The following RBFOX1 variants were observed in gnomAD, a reference collection of about 807,000 sequenced individuals.
RBFOX1 encodes the protein RNA binding protein fox-1 homolog 1.
Under a neutral mutation model 57.7 loss-of-function variants are expected in RBFOX1, and 8 were observed. The observed-to-expected ratio is 0.14, with a 90% CI of 0.08 to 0.25. The LOEUF (loss-of-function observed/expected upper bound fraction) is 0.25, where lower values mean the gene tolerates loss of function less well. RBFOX1 is among the 10% of genes least tolerant of loss of function. The pLI is 1.00. For synonymous variants in RBFOX1, 326 were observed against 222.4 expected, an observed-to-expected ratio of 1.47 and a Z score of -4.15; for missense variants, 611 against 548.5, an observed-to-expected ratio of 1.11 and a Z score of -1.14.
At chr16:6,657,209 T>C in intron 3 of RBFOX1, among the ~76,000 whole-genome samples, 1 of 151,672 alleles carries the variant, frequency 6.6e-6, no homozygotes, top group Non-Finnish European at 1.5e-5. Flanking sequence ...CTCGTCTTCC[T>C]TCCTCCCTCC....
chr16:7,214,305 C>T (rs879385654), intron 4 of RBFOX1, among the ~76,000 whole-genome samples: 2 of 152,214 alleles, frequency 1.3e-5, no homozygotes, highest in African/African-American at 4.8e-5. Flanking sequence ...TATGATGACA[C>T]GATGATCTTA....
At chr16:6,766,764 C>T (rs760493346) in intron 3 of RBFOX1, among the ~76,000 whole-genome samples, 10 of 152,140 alleles carry the variant, frequency 6.6e-5, no homozygotes, top group Admixed American at 5.2e-4. Context: ...CTGGAATTTA[C>T]ACCAGTGATG....
chr16:6,899,077 T>G (rs551866301), intron 3 of RBFOX1, among the ~76,000 whole-genome samples: 4 of 124,432 alleles, frequency 3.2e-5, no homozygotes, highest in South Asian at 2.6e-4. Context: ...ATTACACACA[T>G]GTACACGTGT....
intron 3 of RBFOX1, among the ~76,000 whole-genome samples, chr16:6,999,556 G>A (rs570195578): frequency 3.6e-4 from 54 of 151,948 alleles, no homozygotes; most frequent in African/African-American, 1.3e-3. Context: ...CACAAAAGTA[G>A]AATAGTATAC....
chr16:6,812,135 C>T (rs186483637), intron 3 of RBFOX1, among the ~76,000 whole-genome samples: 14 of 152,148 alleles, frequency 9.2e-5, no homozygotes, highest in Admixed American at 7.2e-4. Flanking sequence ...AAAGCAAAAT[C>T]GTTTTAAATT....
intron 3 of RBFOX1, among the ~76,000 whole-genome samples, chr16:6,882,853 CA>C (rs2063235703): frequency 6.6e-6 from 1 of 152,208 alleles, no homozygotes; most frequent in South Asian, 2.1e-4. Context: ...TGTTCACCCC[CA>C]GGAGTGAACA....
At chr16:5,818,947 T>C (rs990324841) in intron 3 of RBFOX1, among the ~76,000 whole-genome samples, 1 of 152,218 alleles carries the variant, frequency 6.6e-6, no homozygotes, top group African/African-American at 2.4e-5. Context: ...ATCCTTACAA[T>C]GGATGGGTCT....
chr16:7,346,491 A>G (rs17143468), intron 4 of RBFOX1, among the ~76,000 whole-genome samples: 2,092 of 151,920 alleles, frequency 0.014, 48 homozygotes, highest in African/African-American at 0.047. Flanking sequence ...CCTTCCTCCC[A>G]TGTTAGCATT....
At chr16:5,292,673 G>T (rs1387358004) in intron 1 of RBFOX1, among the ~76,000 whole-genome samples, 1 of 152,048 alleles carries the variant, frequency 6.6e-6, no homozygotes, top group East Asian at 1.9e-4. Flanking sequence ...CACCAGGCTG[G>T]AGTTCAGTGG....
intron 1 of RBFOX1, among the ~76,000 whole-genome samples, chr16:6,031,760 G>A (rs930096016): frequency 1.3e-5 from 2 of 152,232 alleles, no homozygotes; most frequent in Non-Finnish European, 1.5e-5. Flanking sequence ...ATGAGGGTCA[G>A]TGTTGCTGGG....
intron 4 of RBFOX1, among the ~76,000 whole-genome samples, chr16:7,346,376 T>A (rs1453237772): frequency 6.6e-6 from 1 of 151,856 alleles, no homozygotes; most frequent in Non-Finnish European, 1.5e-5. Flanking sequence ...TCTTTAGTAT[T>A]TGGTTCTAGC....
chr16:7,289,397 A>G (rs749486012), intron 4 of RBFOX1, among the ~76,000 whole-genome samples: 13 of 152,086 alleles, frequency 8.5e-5, no homozygotes, highest in East Asian at 1.9e-4. Flanking sequence ...ACCGATACCA[A>G]CATTACCACC....
chr16:7,601,966 C>T (rs1022222983), intron 9 of RBFOX1, among the ~76,000 whole-genome samples: 2 of 152,322 alleles, frequency 1.3e-5, no homozygotes, highest in East Asian at 3.9e-4. Context: ...GAGTTGCCAC[C>T]TGTACCATGT....
intron 3 of RBFOX1, among the ~76,000 whole-genome samples, chr16:5,646,182 A>ATTTTTTTTTTTT (rs55685218): frequency 3.7e-5 from 5 of 133,722 alleles, no homozygotes; most frequent in Non-Finnish European, 3.1e-5. Context: ...GGCACGTGCT[A>ATTTTTTTTTTTT]TTTTTTTTTT....
chr16:5,508,455 T>C (rs1005359810), intron 2 of RBFOX1, among the ~76,000 whole-genome samples: 1 of 152,218 alleles, frequency 6.6e-6, no homozygotes, highest in South Asian at 2.1e-4. Flanking sequence ...TGGGCATGAA[T>C]AGAACATGTG....
chr16:7,136,625 C>T (rs534989538), intron 4 of RBFOX1, among the ~76,000 whole-genome samples: 61 of 151,960 alleles, frequency 4.0e-4, no homozygotes, highest in South Asian at 6.2e-4. Flanking sequence ...TAATGTTGCC[C>T]AGGCTGATCT....
intron 2 of RBFOX1, among the ~76,000 whole-genome samples, chr16:6,398,035 C>A (rs1464960708): frequency 6.6e-6 from 1 of 152,046 alleles, no homozygotes; most frequent in Non-Finnish European, 1.5e-5. Context: ...AACATAAGTC[C>A]AACTATGTCA....
intron 3 of RBFOX1, among the ~76,000 whole-genome samples, chr16:5,714,599 G>A (rs1055808799): frequency 1.3e-5 from 2 of 152,188 alleles, no homozygotes; most frequent in African/African-American, 4.8e-5. Flanking sequence ...TTGTTATACA[G>A]CATTACTGTG....
chr16:5,533,807 G>T (rs1479127607), intron 2 of RBFOX1, among the ~76,000 whole-genome samples: 1 of 152,134 alleles, frequency 6.6e-6, no homozygotes, highest in African/African-American at 2.4e-5. Flanking sequence ...CTGTTGGTAG[G>T]TTTGATTTGG....
Sources: allele counts gnomAD v4.1 joint callset (sites outside exome capture counted in the v4.1 genomes callset), GRCh38; gene constraint gnomAD v4.1.1; transcripts MANE v1.5; gene names NCBI Gene and HGNC (gene_info 2026-07-23, HGNC 2026-07-21).